EVC: variants seen among roughly 807,000 people sequenced by gnomAD.
EVC encodes evC complex member EVC.
Under a neutral mutation model 118.9 loss-of-function variants are expected in EVC, and 116 were observed. The observed-to-expected ratio is 0.98, with a 90% CI of 0.84 to 1.14. The LOEUF (loss-of-function observed/expected upper bound fraction) is 1.14, where lower values mean the gene tolerates loss of function less well. EVC is among the 50% of genes most tolerant of loss of function. The probability of loss-of-function intolerance (pLI) is 0.00; values close to 1 mark genes in which losing one functional copy is unlikely to be tolerated. For synonymous variants in EVC, 619 were observed against 534.7 expected (o/e 1.16, Z -2.18); for missense variants, 1,401 against 1,246.4 (o/e 1.12, Z -1.87).
chr4:5,788,200 A>G (rs1417398683), intron 12 of EVC, among the ~76,000 whole-genome samples: 3 of 152,164 alleles, frequency 2.0e-5, no homozygotes, highest in East Asian at 3.9e-4. Flanking sequence ...TTAAAACAAC[A>G]TGCACTTATT....
chr4:5,757,797 G>A (rs910486445), intron 11 of EVC, among the ~76,000 whole-genome samples: 1 of 152,126 alleles, frequency 6.6e-6, no homozygotes, highest in African/African-American at 2.4e-5. Context: ...AGCCACATGG[G>A]ATATTGGAGG....
chr4:5,715,814 G>T (rs1723863980), intron 1 of EVC, among the ~76,000 whole-genome samples: 1 of 146,502 alleles, frequency 6.8e-6, no homozygotes, highest in Non-Finnish European at 1.5e-5. Flanking sequence ...TGCAATCTCG[G>T]CTCACTGCAA....
rs151238682 is a variant in EVC at position 5,780,679 on chromosome 4, C to T, written c.1564-2873C>T. On this transcript the variant is annotated intron_variant, in intron 11 of 20. Transcript: ENST00000264956. The stretch of plus-strand genomic sequence containing the variant: ...TCCATGAGAAGGACAATCATACAAC[C>T]AGTGCCTGGAAAGGTTGGTGGGTGC... Among the ~76,000 whole-genome samples the T allele has an allele frequency of 3.7e-3, 559 of 152,266 alleles. 6 individuals carry two copies. Among genetic ancestry groups the T allele is most frequent in the African/African-American group, 0.012 (502 of 41,542 alleles).
intron 16 of EVC, among the ~76,000 whole-genome samples, chr4:5,803,128 C>T (rs987109236): frequency 6.6e-5 from 10 of 152,318 alleles, no homozygotes; most frequent in African/African-American, 2.4e-4. Context: ...CAGTAACATA[C>T]AGATAAGGAT....
At chr4:5,791,072 G>A (rs571290691) in intron 12 of EVC, among the ~76,000 whole-genome samples, 1 of 152,206 alleles carries the variant, frequency 6.6e-6, no homozygotes, top group African/African-American at 2.4e-5. Flanking sequence ...ACTTAGCCTG[G>A]GCAACAGAGC....
the EVC span, chr4:5,821,951 A>G: frequency 1.6e-5 from 15 of 917,006 alleles, no homozygotes; most frequent in Non-Finnish European, 2.3e-5. The surrounding 1 kb of genome is among the most constrained non-coding windows in gnomAD (Gnocchi z 4.4). Flanking sequence ...CACTGGACCC[A>G]CCTTCATTCA....
chr4:5,733,563 TG>T (rs1727190441), intron 5 of EVC, 128 bp downstream of exon 5: 1 of 876,458 alleles, frequency 1.1e-6, no homozygotes, highest in East Asian at 2.5e-5. Context: ...CGCTGTGAGG[TG>T]GGGGAAAGCG....
chr4:5,828,762 C>G, the EVC span: 1 of 1,407,098 alleles, frequency 7.1e-7, no homozygotes, highest in Non-Finnish European at 9.6e-7. Flanking sequence ...ATATCATAAG[C>G]GTGTTCCAAT....
At chr4:5,800,583 T>C (rs1287999363) in intron 15 of EVC, among the ~76,000 whole-genome samples, 1 of 151,998 alleles carries the variant, frequency 6.6e-6, no homozygotes, top group Non-Finnish European at 1.5e-5. Context: ...GCCACTTTAC[T>C]GTGGCAGGAA....
chr4:5,718,874 G>T (rs1724445152), intron 1 of EVC, among the ~76,000 whole-genome samples: 1 of 152,182 alleles, frequency 6.6e-6, no homozygotes, highest in Admixed American at 6.5e-5. Context: ...ATATGCATGT[G>T]CCATTTCTCA....
chr4:5,782,804 G>A (rs902625084), intron 11 of EVC, among the ~76,000 whole-genome samples: 6 of 152,082 alleles, frequency 3.9e-5, no homozygotes, highest in African/African-American at 1.2e-4. Flanking sequence ...ATGATAAGAC[G>A]TGAAGTTTAT....
chr4:5,758,020 GTT>G lies in EVC; in HGVS notation c.1563+1659_1563+1660del, dbSNP rs1292386332. 4 of 699,508 alleles carry G rather than the reference GTT, an allele frequency of 5.7e-6. No individual in the cohort carries two copies. The East Asian group carries it at 1.1e-4, about 19-fold the overall frequency. 43.3% of individuals were successfully genotyped at this position (699,508 alleles called of 1,614,324 possible). ...CAGATGTAATTGGTTAGATCGCACAGTTGGTTAGGTCCTACTGGATTCGGGTG... is the reference window on the plus strand; with the variant it reads ...CAGATGTAATTGGTTAGATCGCACAGGGTTAGGTCCTACTGGATTCGGGTG... On this transcript the variant is annotated intron_variant, in intron 11 of 20. Coordinates refer to ENST00000264956, the MANE Select transcript of EVC (RefSeq NM_153717.3).
chr4:5,809,317 G>T (rs1269102864), intron 18 of EVC, among the ~76,000 whole-genome samples: 1 of 152,208 alleles, frequency 6.6e-6, no homozygotes, highest in Admixed American at 6.5e-5. Flanking sequence ...AGGACCCACA[G>T]TTATGCAGCA....
At chr4:5,799,702 C>A (rs190860624) in intron 15 of EVC, among the ~76,000 whole-genome samples, 1 of 152,186 alleles carries the variant, frequency 6.6e-6, no homozygotes, top group Non-Finnish European at 1.5e-5. Context: ...AGTGCAGGAG[C>A]CCTTCCAGGA....
downstream of EVC, among the ~76,000 whole-genome samples, chr4:5,816,686 C>A (rs949564096): frequency 6.8e-6 from 1 of 146,872 alleles, no homozygotes; most frequent in African/African-American, 2.5e-5. Context: ...TCCCTCCCTC[C>A]CTTCCCTTCT....
rs1303688521 is a variant in EVC at position 5,765,367 on chromosome 4, A to G, written c.1563+9005A>G. ...ATAGGTGTGGTGTGGTGCTGAAAAA[A>G]ATGTATATTCTGTTGATTTGGGGTG... On this transcript the variant is annotated intron_variant, in intron 11 of 20. Coordinates refer to ENST00000264956, the MANE Select transcript of EVC (RefSeq NM_153717.3). 1.2e-4 allele frequency among the ~76,000 whole-genome samples: 14 copies of G among 113,522 alleles called. 5 individuals are homozygous for G. In the East Asian group the frequency reaches 3.4e-3, roughly 28 times the overall value. 74.5% of individuals were successfully genotyped at this position (113,522 alleles called of 152,430 possible). A position where few individuals can be genotyped will look rare whatever the true frequency, so the allele number is the denominator to read the frequency against.
rs552802308 is a variant in EVC, at chr4:5,751,249, G to A, written c.1099-1587G>A. 3.5e-3 allele frequency among the ~76,000 whole-genome samples: 531 copies of A among 152,326 alleles called. 9 individuals carry two copies. Among genetic ancestry groups the A allele is most frequent in the Non-Finnish European group, 4.9e-3 (332 of 68,028 alleles). ...CTCAGGTCCTGGGAGCCAAGTCTGA[G>A]CCTGGCACTGTTGACTCAGCCACAC... On this transcript the variant is annotated intron_variant, in intron 8 of 20. Coordinates refer to ENST00000264956, the MANE Select transcript of EVC (RefSeq NM_153717.3).
intron 11 of EVC, among the ~76,000 whole-genome samples, chr4:5,781,529 A>G (rs1215687037): frequency 6.6e-6 from 1 of 152,064 alleles, no homozygotes; most frequent in Non-Finnish European, 1.5e-5. Context: ...AGATGGGGCA[A>G]AAGGAGTGGC....
chr4:5,758,222 C>G, intron 11 of EVC: 1 of 681,624 alleles, frequency 1.5e-6, no homozygotes, highest in Non-Finnish European at 2.6e-6. Context: ...CTCCCAGAGC[C>G]TTTGGAGGGG....
Sources: gnomAD v4.1 joint callset for allele counts (sites outside exome capture counted in the v4.1 genomes callset) on GRCh38, gnomAD v4.1.1 for gene constraint, Gnocchi (gnomAD v3.1) non-coding constraint, MANE v1.5 for transcripts, NCBI Gene and HGNC (gene_info 2026-07-23, HGNC 2026-07-21) for gene names.